The following PDE4B variants were observed in gnomAD, a reference collection of about 807,000 sequenced individuals.
PDE4B encodes phosphodiesterase 4B.
Under a neutral mutation model 82.2 loss-of-function variants are expected in PDE4B, and 20 were observed. The ratio of observed to expected loss-of-function variants is 0.24; its 90% CI spans 0.17 to 0.35. PDE4B has a LOEUF of 0.35. Ranked by LOEUF, PDE4B falls within the 10% of genes least tolerant of loss-of-function variation. The pLI, the probability that PDE4B is intolerant of heterozygous loss-of-function variation, is 1.00. For synonymous variants in PDE4B, 320 were observed against 318.9 expected, an observed-to-expected ratio of 1.00 and a Z score of -0.04; for missense variants, 655 against 907.2, an observed-to-expected ratio of 0.72 and a Z score of 3.57.
intron 3 of PDE4B, among the ~76,000 whole-genome samples, chr1:66,239,282 C>A (rs541825072): frequency 2.6e-5 from 4 of 152,178 alleles, no homozygotes; most frequent in African/African-American, 7.2e-5. Context: ...TCAAAGTGCA[C>A]CCTGGGGCAG....
At chr1:65,978,339 T>G (rs1650519187) in intron 3 of PDE4B, among the ~76,000 whole-genome samples, 2 of 152,178 alleles carry the variant, frequency 1.3e-5, no homozygotes, top group South Asian at 4.1e-4. Context: ...CACTACCATT[T>G]AATTTTAAAT....
intron 3 of PDE4B, among the ~76,000 whole-genome samples, chr1:66,079,386 A>G (rs1656608265): frequency 6.6e-6 from 1 of 152,012 alleles, no homozygotes; most frequent in Non-Finnish European, 1.5e-5. Flanking sequence ...TGGACCCTTT[A>G]TCTCTGTCAT....
At chr1:66,162,126 G>C (rs192320910) in intron 3 of PDE4B, among the ~76,000 whole-genome samples, 21 of 152,014 alleles carry the variant, frequency 1.4e-4, no homozygotes, top group African/African-American at 5.1e-4. Context: ...ATTATCTGAG[G>C]ATCTACGGAA....
chr1:66,154,767 G>A (rs1021662544), intron 3 of PDE4B, among the ~76,000 whole-genome samples: 3 of 152,048 alleles, frequency 2.0e-5, no homozygotes, highest in Non-Finnish European at 4.4e-5. Flanking sequence ...TCTTCCATTC[G>A]CTACACCTTT....
intron 3 of PDE4B, among the ~76,000 whole-genome samples, chr1:66,106,559 A>G: frequency 6.7e-6 from 1 of 150,084 alleles, no homozygotes; most frequent in Non-Finnish European, 1.5e-5. Flanking sequence ...CTGTGAATCC[A>G]TCTGGTCCTG....
At chr1:66,087,866 T>G (rs554884170) in intron 3 of PDE4B, among the ~76,000 whole-genome samples, 10,959 of 89,068 alleles carry the variant, frequency 0.12, 682 homozygotes, top group Admixed American at 0.23. Flanking sequence ...TGGGGACTGT[T>G]GTGGGGTGGG....
intron 3 of PDE4B, among the ~76,000 whole-genome samples, chr1:66,106,137 T>A (rs973932352): frequency 4.6e-5 from 7 of 152,258 alleles, no homozygotes; most frequent in African/African-American, 1.7e-4. Flanking sequence ...TTATTGAGAG[T>A]TTTTAGCATG....
intron 1 of PDE4B, among the ~76,000 whole-genome samples, chr1:65,819,275 C>A (rs901446212): frequency 1.3e-5 from 2 of 152,016 alleles, no homozygotes; most frequent in African/African-American, 4.8e-5. Context: ...GATAACCCAA[C>A]TGTTTTGTCC....
intron 3 of PDE4B, among the ~76,000 whole-genome samples, chr1:65,965,662 G>A (rs1343043882): frequency 6.6e-6 from 1 of 151,914 alleles, no homozygotes; most frequent in East Asian, 1.9e-4. Context: ...ATAGATCAAG[G>A]TAAAACAAAA....
chr1:66,132,929 T>C (rs1182337335), intron 3 of PDE4B, among the ~76,000 whole-genome samples: 5 of 152,166 alleles, frequency 3.3e-5, no homozygotes, highest in Admixed American at 1.3e-4. Context: ...GGGACTCAGA[T>C]AGAGCTCAGC....
intron 3 of PDE4B, among the ~76,000 whole-genome samples, chr1:65,945,078 G>A (rs1193658051): frequency 6.6e-6 from 1 of 151,988 alleles, no homozygotes; most frequent in Non-Finnish European, 1.5e-5. Flanking sequence ...TCCTACTTCT[G>A]TGCCTTGACT....
At chr1:66,268,106 A>G (rs575165473) in intron 7 of PDE4B, among the ~76,000 whole-genome samples, 7 of 152,368 alleles carry the variant, frequency 4.6e-5, no homozygotes, top group Admixed American at 3.9e-4. Context: ...AGAAATCTAC[A>G]TCAATTTAAA....
At chr1:66,234,532 G>A (rs781236082) in intron 3 of PDE4B, among the ~76,000 whole-genome samples, 3 of 152,098 alleles carry the variant, frequency 2.0e-5, no homozygotes, top group African/African-American at 4.8e-5. Flanking sequence ...CAGGTGATCC[G>A]CCTGGCTCAG....
At chr1:66,335,834 G>A (rs1660473772) in intron 8 of PDE4B, among the ~76,000 whole-genome samples, 1 of 152,184 alleles carries the variant, frequency 6.6e-6, no homozygotes, top group Non-Finnish European at 1.5e-5. Context: ...AGAGCTAGCC[G>A]TTTTGCTTAA....
At chr1:66,038,572 A>C (rs1654187242) in intron 3 of PDE4B, among the ~76,000 whole-genome samples, 2 of 152,104 alleles carry the variant, frequency 1.3e-5, no homozygotes, top group South Asian at 4.1e-4. Context: ...AGATATCTGC[A>C]AGATATCTGA....
chr1:66,009,958 A>ATCG (rs1446549294), intron 3 of PDE4B, among the ~76,000 whole-genome samples: 2 of 120,324 alleles, frequency 1.7e-5, no homozygotes, highest in Non-Finnish European at 3.1e-5. Flanking sequence ...TCTATCATCT[A>ATCG]TCTATCTAAT....
At position 66,351,212 on chromosome 1, in the gene PDE4B, C is replaced by T. The variant is rs576171046; in HGVS notation, c.748-4315C>T. Among the ~76,000 whole-genome samples, 6 of 152,306 alleles carry T rather than the reference C, an allele frequency of 3.9e-5. No individual in the cohort carries two copies. The East Asian group carries it at 5.8e-4, about 15-fold the overall frequency. Reference sequence around the variant, plus strand: ...GGGCATTGGCCATTTCCTCTGGGGACATTATTTCTAGGTAGGCTGTAACAG... The same window carrying T: ...GGGCATTGGCCATTTCCTCTGGGGATATTATTTCTAGGTAGGCTGTAACAG... On this transcript the variant is annotated intron_variant, in intron 8 of 16. Transcript: ENST00000341517.
intron 6 of PDE4B, among the ~76,000 whole-genome samples, chr1:66,259,215 A>G (rs1470708178): frequency 1.3e-5 from 2 of 152,136 alleles, no homozygotes; most frequent in Non-Finnish European, 2.9e-5. Flanking sequence ...CCATTCATAC[A>G]TGGATATATG....
At chr1:66,148,558 T>A (rs1409545153) in intron 3 of PDE4B, among the ~76,000 whole-genome samples, 1 of 152,234 alleles carries the variant, frequency 6.6e-6, no homozygotes, top group Non-Finnish European at 1.5e-5. Flanking sequence ...TTTTAGTATA[T>A]TTATGGAATC....
Sources: gnomAD v4.1 joint callset for allele counts (sites outside exome capture counted in the v4.1 genomes callset) on GRCh38, gnomAD v4.1.1 for gene constraint, MANE v1.5 for transcripts, NCBI Gene and HGNC (gene_info 2026-07-23, HGNC 2026-07-21) for gene names.